The following CLMP variants were observed in gnomAD, a reference collection of about 807,000 sequenced individuals.
CLMP encodes CXADR like cell adhesion molecule.
In CLMP, 27 loss-of-function variants were observed where a neutral mutation model predicts 45.2. The observed-to-expected ratio is 0.60, with a 90% CI of 0.44 to 0.82. The LOEUF is 0.82. CLMP is among the 40% of genes least tolerant of loss of function. CLMP has a pLI of 0.00. For synonymous variants in CLMP, 167 were observed against 171.4 expected (o/e 0.97, Z 0.20); for missense variants, 403 against 448.4 (o/e 0.90, Z 0.91).
intron 1 of CLMP, among the ~76,000 whole-genome samples, chr11:123,129,456 A>AAT (rs1275398308): frequency 2.2e-4 from 27 of 120,288 alleles, no homozygotes; most frequent in Admixed American, 3.6e-4. Flanking sequence ...TATTATATAA[A>AAT]ATATATCATA....
chr11:123,077,248 C>G lies in CLMP; in HGVS notation c.680-2405G>C, dbSNP rs185594697. 8.5e-3 allele frequency among the ~76,000 whole-genome samples: 1,286 copies of G among 152,154 alleles called. 16 individuals are homozygous for G. The highest frequency in any genetic ancestry group is 0.029 in the African/African-American group (1,200 of 41,524). ...TCCTGACCTCAGGTGATCTACCCCCCGCCTTGGCCTCCCAAAGTGCTGGGA... is the reference window on the plus strand; with the variant it reads ...TCCTGACCTCAGGTGATCTACCCCCGGCCTTGGCCTCCCAAAGTGCTGGGA... On this transcript the variant is annotated intron_variant, in intron 5 of 6. Transcript: ENST00000448775.
At chr11:123,075,553 G>GT (rs533166727) in intron 5 of CLMP, among the ~76,000 whole-genome samples, 2 of 151,718 alleles carry the variant, frequency 1.3e-5, no homozygotes, top group African/African-American at 4.8e-5. Context: ...CGCCCGGCTA[G>GT]TTTTTTTGTA....
chr11:123,098,045 G>C, intron 1 of CLMP, 93 bp from the exon 2 acceptor site: 1 of 1,094,838 alleles, frequency 9.1e-7, no homozygotes, highest in Non-Finnish European at 1.3e-6. Context: ...GGATGTTCCC[G>C]TGGGCAAGTG....
intron 1 of CLMP, among the ~76,000 whole-genome samples, chr11:123,102,019 C>T (rs1866068445): frequency 6.6e-6 from 1 of 152,018 alleles, no homozygotes; most frequent in Admixed American, 6.6e-5. Context: ...ACCCTATCTC[C>T]ACTAAAAATG....
chr11:123,073,371 G>A lies in CLMP; in HGVS notation c.*103C>T, dbSNP rs1438995128. 7.9e-7 allele frequency: 1 copy of A among 1,263,234 alleles called. No homozygotes were observed. The highest frequency in any genetic ancestry group is 1.1e-6 in the Non-Finnish European group (1 of 910,412). 78.3% of individuals were successfully genotyped at this position (1,263,234 alleles called of 1,614,324 possible). The stretch of plus-strand genomic sequence containing the variant: ...GTGCAATGCTCACTGCTACTTAGAT[G>A]ACCTCTCATCTGGTTGTGTGGCTGG... On this transcript the variant is annotated 3_prime_UTR_variant, in exon 7 of 7. Transcript: ENST00000448775.
chr11:123,105,529 C>G (rs1860531485), intron 1 of CLMP, among the ~76,000 whole-genome samples: 1 of 151,770 alleles, frequency 6.6e-6, no homozygotes, highest in African/African-American at 2.4e-5. Context: ...CTCCTGGGTT[C>G]AAGCGATTCT....
In CLMP at chr11:123,139,402, T is replaced by C. The variant is rs537184996; in HGVS notation, c.29-41450A>G. Among the ~76,000 whole-genome samples the C allele has an allele frequency of 2.0e-5, 3 of 152,304 alleles. No individual in the cohort carries two copies. The East Asian group carries it at 5.8e-4, about 29-fold the overall frequency. ...GGGGCCTGCGTTCTGCAGCTGGTTC[T>C]GCTATTTAGAAACCTCTGTGGCCTT... On this transcript the variant is annotated intron_variant, in intron 1 of 6. Coordinates refer to ENST00000448775, the MANE Select transcript of CLMP (RefSeq NM_024769.5).
In CLMP at chr11:123,073,643, A is replaced by G. The variant is rs777909284; in HGVS notation, c.953T>C (p.Leu318Pro). ...ANSASRSQRT[L>P]STDAAPQPGL... is the part of the protein sequence containing the mutation. ...TGGCTGGGGTGCTGCGTCAGTTGAC[A>G]GTGTCCGCTGGCTGCGTGAGGCACT... is the stretch of plus-strand genomic sequence containing the variant. The change falls in exon 7 of 7, where the codon CTG becomes CCG. Residue 318 changes from leucine (L) to proline (P), a missense_variant. Leu to Pro is a moderately conservative substitution (Grantham distance 98). Coordinates refer to ENST00000448775, the MANE Select transcript of CLMP (RefSeq NM_024769.5). The G allele has an allele frequency of 1.9e-6, 3 of 1,614,226 alleles. No homozygotes were observed. The highest frequency in any genetic ancestry group is 2.5e-6 in the Non-Finnish European group (3 of 1,180,036).
intron 1 of CLMP, among the ~76,000 whole-genome samples, chr11:123,133,647 T>C (rs916955797): frequency 3.3e-5 from 5 of 152,036 alleles, no homozygotes; most frequent in East Asian, 1.9e-4. Flanking sequence ...CCTTGGCATA[T>C]TGAGTATTTT....
intron 1 of CLMP, among the ~76,000 whole-genome samples, chr11:123,122,324 T>C (rs1201693924): frequency 6.6e-6 from 1 of 152,170 alleles, no homozygotes; most frequent in African/African-American, 2.4e-5. Context: ...TGCTCCATTT[T>C]TGAAAGCAAC....
intron 1 of CLMP, among the ~76,000 whole-genome samples, chr11:123,112,436 G>T (rs972261840): frequency 1.3e-5 from 2 of 149,852 alleles, no homozygotes; most frequent in Admixed American, 1.3e-4. Flanking sequence ...CTCCAGGGTT[G>T]AAGTGATTCT....
intron 1 of CLMP, among the ~76,000 whole-genome samples, chr11:123,104,128 CTTTTTTTTTTT>C (rs1241735527): frequency 1.4e-5 from 1 of 72,366 alleles, no homozygotes; most frequent in African/African-American, 5.9e-5. Flanking sequence ...CCATGCCTGG[CTTTTTTTTTTT>C]TTTTTTTTTT....
At chr11:123,165,880 G>A (rs772025462) in intron 1 of CLMP, among the ~76,000 whole-genome samples, 3 of 152,094 alleles carry the variant, frequency 2.0e-5, no homozygotes, top group African/African-American at 2.4e-5. Flanking sequence ...TAGAGAGGCC[G>A]GCCTTCCCAC....
Position 123,189,409 on chromosome 11 carries a change from C to T in CLMP, c.28+5504G>A, listed in dbSNP as rs562522188. ...AGAAGCTCACTTTACTTCTCTGAGC[C>T]TCCATTTATGTATCTGTGAAATGGA... On this transcript the variant is annotated intron_variant, in intron 1 of 6. Coordinates refer to ENST00000448775, the MANE Select transcript of CLMP (RefSeq NM_024769.5). 2.0e-5 allele frequency among the ~76,000 whole-genome samples: 3 copies of T among 152,308 alleles called. No individual in the cohort carries two copies. In the South Asian group the frequency reaches 6.2e-4, roughly 32 times the overall value.
intron 1 of CLMP, among the ~76,000 whole-genome samples, chr11:123,181,548 C>T (rs767985592): frequency 6.6e-6 from 1 of 152,272 alleles, no homozygotes; most frequent in Non-Finnish European, 1.5e-5. Flanking sequence ...AATTCCATTC[C>T]GTCCTACTTT....
chr11:123,156,649 A>G (rs10400330), intron 1 of CLMP, among the ~76,000 whole-genome samples: 31,156 of 152,160 alleles, frequency 0.2, 3,385 homozygotes, highest in South Asian at 0.28. Context: ...AGGAAGCGTC[A>G]TTTGCGAGTC....
intron 2 of CLMP, among the ~76,000 whole-genome samples, chr11:123,089,402 A>C (rs925173938): frequency 6.6e-6 from 1 of 152,064 alleles, no homozygotes; most frequent in Non-Finnish European, 1.5e-5. Flanking sequence ...CAGCATACAC[A>C]TATATACTGA....
chr11:123,139,986 A>G (rs186875344), intron 1 of CLMP, among the ~76,000 whole-genome samples: 9 of 152,344 alleles, frequency 5.9e-5, no homozygotes, highest in East Asian at 3.9e-4. Flanking sequence ...TAGTTCGGCC[A>G]TTAAGATTCA....
chr11:123,174,194 T>C (rs1325839955), intron 1 of CLMP, among the ~76,000 whole-genome samples: 2 of 152,220 alleles, frequency 1.3e-5, no homozygotes, highest in Non-Finnish European at 2.9e-5. Flanking sequence ...GACATTGTCC[T>C]TCAGAGCAAG....
Sources: allele counts gnomAD v4.1 joint callset (sites outside exome capture counted in the v4.1 genomes callset), GRCh38; gene constraint gnomAD v4.1.1; transcripts MANE v1.5; gene names NCBI Gene and HGNC (gene_info 2026-07-23, HGNC 2026-07-21).